Variants in TRABD2B observed in about 807,000 individuals in gnomAD.
The protein encoded by TRABD2B is TraB domain containing 2B, also known as metalloprotease TIKI2.
A neutral mutation model predicts 40.1 loss-of-function variants in TRABD2B; 14 were observed. The observed-to-expected ratio is 0.35, with a 90% confidence interval of 0.23 to 0.55. TRABD2B has a LOEUF of 0.55. TRABD2B is among the 20% of genes least tolerant of loss of function. The probability of loss-of-function intolerance (pLI) is 0.90; values close to 1 mark genes in which losing one functional copy is unlikely to be tolerated. For missense variants in TRABD2B, 541 were observed against 648.6 expected, an observed-to-expected ratio of 0.83 and a Z score of 1.80; for synonymous variants, 263 against 277.0, an observed-to-expected ratio of 0.95 and a Z score of 0.50.
chr1:47,969,237 G>A (rs867072296), intron 2 of TRABD2B, among the ~76,000 whole-genome samples: 2 of 152,216 alleles, frequency 1.3e-5, no homozygotes, highest in Non-Finnish European at 2.9e-5. Flanking sequence ...CAGGGATTTA[G>A]TGTCTTCTGA....
chr1:47,807,729 T>G (rs917651938), intron 2 of TRABD2B, among the ~76,000 whole-genome samples: 1 of 152,184 alleles, frequency 6.6e-6, no homozygotes, highest in African/African-American at 2.4e-5. Context: ...TTATAGTATT[T>G]AGGTATTGTT....
chr1:47,841,147 ATC>A (rs1302267511), intron 2 of TRABD2B, among the ~76,000 whole-genome samples: 1 of 152,152 alleles, frequency 6.6e-6, no homozygotes, highest in East Asian at 1.9e-4. Flanking sequence ...AACTCATTTA[ATC>A]TCTCTCTGTG....
At chr1:47,783,966 GC>G (rs1296105702) in intron 4 of TRABD2B, among the ~76,000 whole-genome samples, 2 of 152,164 alleles carry the variant, frequency 1.3e-5, no homozygotes, top group Non-Finnish European at 2.9e-5. Flanking sequence ...ATGGTGTTGG[GC>G]CCCATGGTCT....
In TRABD2B at chr1:47,815,837, A is replaced by ATAGC. The variant is rs1483237426; in HGVS notation, c.667-14219_667-14218insGCTA. On this transcript the variant is annotated intron_variant, in intron 2 of 6. Transcript: ENST00000606738. ...GATAGATAGATAGATAGATAGATAG[A>ATAGC]TAGATAGATAGATAGAAATAGAGTC... Among the ~76,000 whole-genome samples the ATAGC allele has an allele frequency of 4.3e-5, 5 of 117,208 alleles. No individual in the cohort carries two copies. In the South Asian group the frequency reaches 7.5e-4, roughly 17 times the overall value. The allele number at this position is 117,208 out of a possible 152,430, so 76.9% of individuals were successfully genotyped here.
At chr1:47,888,773 T>A (rs1327143041) in intron 2 of TRABD2B, among the ~76,000 whole-genome samples, 1 of 152,180 alleles carries the variant, frequency 6.6e-6, no homozygotes, top group Non-Finnish European at 1.5e-5. Flanking sequence ...CCCAGTGTGA[T>A]CCTTGTCCCT....
intron 4 of TRABD2B, among the ~76,000 whole-genome samples, chr1:47,784,485 C>T (rs1189526613): frequency 2.0e-5 from 3 of 152,128 alleles, no homozygotes; most frequent in Non-Finnish European, 4.4e-5. Context: ...TGGCTCCCCC[C>T]GATCAGCACA....
At chr1:47,897,169 A>C (rs1644533975) in intron 2 of TRABD2B, among the ~76,000 whole-genome samples, 1 of 152,226 alleles carries the variant, frequency 6.6e-6, no homozygotes, top group African/African-American at 2.4e-5. Flanking sequence ...TAAATGGAGC[A>C]GTCATTGAGA....
At chr1:47,881,257 G>A (rs1454159270) in intron 2 of TRABD2B, among the ~76,000 whole-genome samples, 1 of 152,196 alleles carries the variant, frequency 6.6e-6, no homozygotes, top group African/African-American at 2.4e-5. Flanking sequence ...CTTGCTGTGA[G>A]CTCATGTGAA....
At position 47,813,075 on chromosome 1, in the gene TRABD2B, C is replaced by T. The variant is rs1175383879; in HGVS notation, c.667-11456G>A. Among the ~76,000 whole-genome samples the T allele has an allele frequency of 6.6e-6, 1 of 152,198 alleles. No individual in the cohort carries two copies. The highest frequency in any genetic ancestry group is 1.5e-5 in the Non-Finnish European group (1 of 68,040). On this transcript the variant is annotated intron_variant, in intron 2 of 6. Transcript: ENST00000606738. This position sits in a 1 kb window ranked among gnomAD's most constrained non-coding sequence, Gnocchi z 4.3. ...TATTAAGCAGCTGCTTCCATTGGTT[C>T]GAGGCATGTCATTTTTATTTTCCCT...
chr1:47,970,222 A>G (rs953089884), intron 2 of TRABD2B, among the ~76,000 whole-genome samples: 3 of 152,018 alleles, frequency 2.0e-5, no homozygotes, highest in South Asian at 2.1e-4. Flanking sequence ...TACCTACTAG[A>G]TAAGAGGCAG....
At chr1:47,935,934 T>C (rs1467328936) in intron 2 of TRABD2B, among the ~76,000 whole-genome samples, 2 of 152,268 alleles carry the variant, frequency 1.3e-5, no homozygotes, top group Admixed American at 1.3e-4. Context: ...TGCTGCTCAT[T>C]AGCTGTGCAA....
rs58133026 is a variant in TRABD2B, at chr1:47,821,844, C to T, written c.667-20225G>A. Among the ~76,000 whole-genome samples, 787 of 152,282 alleles carry T rather than the reference C, an allele frequency of 5.2e-3. 4 individuals carry two copies. The highest frequency in any genetic ancestry group is 0.018 in the African/African-American group (756 of 41,544). ...CTTTGTACACCCTTCAGGCTGTCAT[C>T]ATCCCTCTTCAAAAGCAGCAGATGC... On this transcript the variant is annotated intron_variant, in intron 2 of 6. Coordinates refer to ENST00000606738, the MANE Select transcript of TRABD2B (RefSeq NM_001194986.2).
chr1:47,832,035 CTT>C (rs1212221809), intron 2 of TRABD2B, among the ~76,000 whole-genome samples: 1 of 152,174 alleles, frequency 6.6e-6, no homozygotes, highest in African/African-American at 2.4e-5. Flanking sequence ...GAGTCAGACT[CTT>C]AAAGAAGAGG....
intron 2 of TRABD2B, among the ~76,000 whole-genome samples, chr1:47,849,314 C>T (rs962428960): frequency 6.6e-6 from 1 of 152,170 alleles, no homozygotes; most frequent in Non-Finnish European, 1.5e-5. Context: ...TACAACTGGA[C>T]AATCACGAGA....
At chr1:47,896,608 A>G (rs1644525475) in intron 2 of TRABD2B, among the ~76,000 whole-genome samples, 1 of 152,190 alleles carries the variant, frequency 6.6e-6, no homozygotes, top group Non-Finnish European at 1.5e-5. Context: ...CGTCACTAAA[A>G]TCAGGCAGGC....
chr1:47,842,750 T>C (rs1482239465), intron 2 of TRABD2B, among the ~76,000 whole-genome samples: 1 of 152,204 alleles, frequency 6.6e-6, no homozygotes, highest in Non-Finnish European at 1.5e-5. Context: ...TTTATGGCAG[T>C]GAACAAAACT....
intron 3 of TRABD2B, among the ~76,000 whole-genome samples, chr1:47,796,873 T>C (rs1446809966): frequency 6.6e-6 from 1 of 152,240 alleles, no homozygotes; most frequent in Non-Finnish European, 1.5e-5. Context: ...ACTGACGGCT[T>C]CTGAACGGGG....
At chr1:47,857,478 C>A (rs560511883) in intron 2 of TRABD2B, among the ~76,000 whole-genome samples, 1 of 152,290 alleles carries the variant, frequency 6.6e-6, no homozygotes, top group South Asian at 2.1e-4. Flanking sequence ...CTTGGGGAAG[C>A]CTTCCCTGAT....
intron 2 of TRABD2B, among the ~76,000 whole-genome samples, chr1:47,848,730 G>A (rs1012652028): frequency 1.3e-5 from 2 of 152,168 alleles, no homozygotes; most frequent in Non-Finnish European, 1.5e-5. Context: ...ACCCCCAGCC[G>A]AACACAATTT....
Sources: gnomAD v4.1 joint callset for allele counts (sites outside exome capture counted in the v4.1 genomes callset) on GRCh38, gnomAD v4.1.1 for gene constraint, Gnocchi (gnomAD v3.1) non-coding constraint, MANE v1.5 for transcripts, NCBI Gene and HGNC (gene_info 2026-07-23, HGNC 2026-07-21) for gene names.